KLB: variants seen among roughly 807,000 people sequenced by gnomAD.
The protein encoded by KLB is klotho beta, also known as beta-klotho.
KLB carries 44 observed loss-of-function variants against 88.4 expected under a neutral mutation model. That is an observed-to-expected ratio of 0.50 (90% CI 0.39 to 0.64). The LOEUF (loss-of-function observed/expected upper bound fraction) is 0.64, where lower values mean the gene tolerates loss of function less well. Among genes scored for constraint, KLB ranks in the 30% least tolerant of loss-of-function variants. KLB has a pLI of 0.00. For synonymous variants in KLB, 548 were observed against 513.4 expected, an observed-to-expected ratio of 1.07 and a Z score of -0.91; for missense variants, 1,137 against 1,304.8, an observed-to-expected ratio of 0.87 and a Z score of 1.98.
At position 39,445,163 on chromosome 4, in the gene KLB, G is replaced by A. The variant is rs112969133; in HGVS notation, c.1606-1169G>A. ...CATGACTACATTGTGTTTGTATAGCGCTTTAGAGTTCCCAGAGCACCTTCC... is the reference window on the plus strand; with the variant it reads ...CATGACTACATTGTGTTTGTATAGCACTTTAGAGTTCCCAGAGCACCTTCC... On this transcript the variant is annotated intron_variant, in intron 3 of 4. Coordinates refer to ENST00000257408, the MANE Select transcript of KLB (RefSeq NM_175737.4). Among the ~76,000 whole-genome samples, 160 of 152,212 alleles carry A rather than the reference G, an allele frequency of 1.1e-3. 1 individual carries two copies. Among genetic ancestry groups the A allele is most frequent in the African/African-American group, 3.6e-3 (148 of 41,528 alleles).
chr4:39,438,396 G>T (rs1743527734), intron 3 of KLB, among the ~76,000 whole-genome samples: 1 of 152,170 alleles, frequency 6.6e-6, no homozygotes, highest in South Asian at 2.1e-4. Context: ...GTTTCACAGA[G>T]TTGGGTAATT....
chr4:39,438,784 T>C (rs1743534256), intron 3 of KLB, among the ~76,000 whole-genome samples: 1 of 152,202 alleles, frequency 6.6e-6, no homozygotes, highest in Non-Finnish European at 1.5e-5. Flanking sequence ...ATTATTATTA[T>C]TATTTTAACT....
chr4:39,417,783 T>A (rs1560645186), intron 1 of KLB, among the ~76,000 whole-genome samples: 1 of 152,224 alleles, frequency 6.6e-6, no homozygotes, highest in East Asian at 1.9e-4. Flanking sequence ...TAATATATTA[T>A]CTCATTTAAT....
At chr4:39,435,422 A>T (rs1743453378) in intron 2 of KLB, among the ~76,000 whole-genome samples, 1 of 136,326 alleles carries the variant, frequency 7.3e-6, no homozygotes, top group South Asian at 2.3e-4. Context: ...CCAGCCTGAA[A>T]TTTTTTTTTC....
chr4:39,449,540 A>G lies in KLB; in HGVS notation c.*854A>G, dbSNP rs1743842951. 1 of 150,684 alleles carries G rather than the reference A, an allele frequency of 6.6e-6. No homozygotes were observed. Among genetic ancestry groups the G allele is most frequent in the Admixed American group, 6.6e-5 (1 of 15,126 alleles). 9.3% of individuals were successfully genotyped at this position (150,684 alleles called of 1,614,324 possible). ...AAGCCAGTTACAACACAGACTCTTA[A>G]AGAGGATCAAGCCCTTCATTTTTCT... is the stretch of plus-strand genomic sequence containing the variant. On this transcript the variant is annotated 3_prime_UTR_variant, in exon 5 of 5. Coordinates refer to ENST00000257408, the MANE Select transcript of KLB (RefSeq NM_175737.4).
In KLB at chr4:39,407,251, A is replaced by G; in HGVS notation, c.302A>G (p.Lys101Arg). The change falls in exon 1 of 5, where the codon AAG becomes AGG. Residue 101 changes from lysine to arginine, a missense_variant. By Grantham distance (26) the Lys-to-Arg change is conservative. Transcript: ENST00000257408. Reference sequence around the variant, plus strand: ...GCATTGCAAGTGGAAGGGAGTTGGAAGAAGGATGGAAAAGGACCTTCTATA... The same window carrying G: ...GCATTGCAAGTGGAAGGGAGTTGGAGGAAGGATGGAAAAGGACCTTCTATA... Reference protein sequence around the residue: ...TGALQVEGSWKKDGKGPSIWD... With the variant: ...TGALQVEGSWRKDGKGPSIWD... The G allele has an allele frequency of 6.2e-7, 1 of 1,614,224 alleles. No homozygotes were observed. Among genetic ancestry groups the G allele is most frequent in the East Asian group, 2.2e-5 (1 of 44,894 alleles).
rs536465687 is a variant in KLB at position 39,447,140 on chromosome 4, G to A, written c.2414G>A (p.Arg805His). Residue 805 changes from arginine (R) to histidine (H), a missense_variant, in exon 4 of 5, where the codon CGC (arginine) becomes CAC (histidine). By Grantham distance (29) the Arg-to-His change is conservative (BLOSUM62 0). This residue lies in a region of KLB where 426 missense variants were observed against 404.6 expected (regional missense o/e 1.05). Transcript: ENST00000257408. ...GGGCTTTCCAGCTCGGCCCTGCCGC[G>A]CCTCACCGAGGCCGAAAGGAGGCTG... ...RRGLSSSALP[R>H]LTEAERRLLK... The A allele has an allele frequency of 1.9e-6, 3 of 1,613,626 alleles. No homozygotes were observed. The highest frequency in any genetic ancestry group is 1.1e-5 in the South Asian group (1 of 91,080).
intron 2 of KLB, 135 bp downstream of exon 2, chr4:39,434,855 G>A: frequency 2.9e-6 from 2 of 696,084 alleles, no homozygotes; most frequent in Non-Finnish European, 4.7e-6. Flanking sequence ...CTCCCAGGCT[G>A]AAGTGCAGTG....
At chr4:39,429,695 C>G (rs1160762552) in intron 1 of KLB, among the ~76,000 whole-genome samples, 1 of 152,168 alleles carries the variant, frequency 6.6e-6, no homozygotes, top group African/African-American at 2.4e-5. Flanking sequence ...TTGCAGGGCC[C>G]AGGTTGCACT....
At position 39,448,472 on chromosome 4, in the gene KLB, C is replaced by A; in HGVS notation, c.2921C>A (p.Ser974Tyr). The A allele has an allele frequency of 6.2e-7, 1 of 1,614,060 alleles. No individual in the cohort carries two copies. ...GGCTTCCCTTTTGAGAACAGTAGTTCTAGATGCAGTCAGACCCAAGAAAAT... is the reference window on the plus strand; with the variant it reads ...GGCTTCCCTTTTGAGAACAGTAGTTATAGATGCAGTCAGACCCAAGAAAAT... ...SRGFPFENSSSRCSQTQENTE... is the reference protein window; with the variant it reads ...SRGFPFENSSYRCSQTQENTE... The change falls in exon 5 of 5, where the codon TCT becomes TAT. Residue 974 changes from serine (S) to tyrosine (Y), a missense_variant. By Grantham distance (144) the Ser-to-Tyr change is moderately radical. Coordinates refer to ENST00000257408, the MANE Select transcript of KLB (RefSeq NM_175737.4).
chr4:39,435,325 C>T (rs1743450605), intron 2 of KLB, among the ~76,000 whole-genome samples: 1 of 151,662 alleles, frequency 6.6e-6, no homozygotes, highest in East Asian at 1.9e-4. Context: ...ATCATGTTGG[C>T]CAGGCTGGTC....
intron 1 of KLB, 65 bp downstream of exon 1, chr4:39,407,839 T>C (rs1353983511): frequency 2.1e-6 from 2 of 967,996 alleles, no homozygotes; most frequent in Admixed American, 5.3e-5. Context: ...ATTTACCTTC[T>C]GCCTCAGTAA....
chr4:39,422,798 G>T lies in KLB; in HGVS notation c.826-11412G>T, dbSNP rs188851350. Among the ~76,000 whole-genome samples, 22 of 149,916 alleles carry T rather than the reference G, an allele frequency of 1.5e-4. No homozygotes were observed. The East Asian group carries it at 4.3e-3, about 29-fold the overall frequency. ...TTTTTTTGAGACAGAGTCTTGCTCTGTCACCCACACTGGAGTGCAGTGGTG... is the reference window on the plus strand; with the variant it reads ...TTTTTTTGAGACAGAGTCTTGCTCTTTCACCCACACTGGAGTGCAGTGGTG... On this transcript the variant is annotated intron_variant, in intron 1 of 4. Coordinates refer to ENST00000257408, the MANE Select transcript of KLB (RefSeq NM_175737.4).
At chr4:39,411,583 G>T (rs1228444375) in intron 1 of KLB, among the ~76,000 whole-genome samples, 2 of 147,382 alleles carry the variant, frequency 1.4e-5, no homozygotes, top group Non-Finnish European at 3.0e-5. Flanking sequence ...GCAGTGGCTC[G>T]ATCTCAGCTC....
chr4:39,430,929 T>C (rs7690440), intron 1 of KLB, among the ~76,000 whole-genome samples: 22,917 of 146,512 alleles, frequency 0.16, 1,940 homozygotes, highest in Middle Eastern at 0.29. Context: ...TTTTTTTTTT[T>C]CCCCTGAGTC....
At chr4:39,418,125 C>T (rs1160887251) in intron 1 of KLB, among the ~76,000 whole-genome samples, 1 of 152,208 alleles carries the variant, frequency 6.6e-6, no homozygotes, top group African/African-American at 2.4e-5. Context: ...CATTTATCCC[C>T]TGACTCATAT....
chr4:39,448,770 T>A lies in KLB; in HGVS notation c.*84T>A, dbSNP rs55780789. On this transcript the variant is annotated 3_prime_UTR_variant, in exon 5 of 5. Coordinates refer to ENST00000257408, the MANE Select transcript of KLB (RefSeq NM_175737.4). ...ACTTACAGGAGATATACCTGTATTA[T>A]AGAAAGACAATCTGAGATACAGCTG... The A allele has an allele frequency of 7.7e-7, 1 of 1,299,106 alleles. No homozygotes were observed. Among genetic ancestry groups the A allele is most frequent in the Non-Finnish European group, 1.1e-6 (1 of 946,632 alleles). 80.5% of individuals were successfully genotyped at this position (1,299,106 alleles called of 1,614,324 possible).
At chr4:39,414,609 ACCTGTAATC>A (rs542722705) in intron 1 of KLB, among the ~76,000 whole-genome samples, 220 of 152,094 alleles carry the variant, frequency 1.4e-3, no homozygotes, top group African/African-American at 5.1e-3. Context: ...GGTGGCTCAC[ACCTGTAATC>A]CCAACACTTT....
At chr4:39,416,616 T>C (rs1421989654) in intron 1 of KLB, among the ~76,000 whole-genome samples, 2 of 152,164 alleles carry the variant, frequency 1.3e-5, no homozygotes, top group East Asian at 3.9e-4. Flanking sequence ...CTTCGGTCTC[T>C]ACAAAAAATG....
Sources: allele counts gnomAD v4.1 joint callset (sites outside exome capture counted in the v4.1 genomes callset), GRCh38; gene constraint gnomAD v4.1.1; regional missense constraint gnomAD v4.1.1; transcripts MANE v1.5; gene names NCBI Gene and HGNC (gene_info 2026-07-23, HGNC 2026-07-21).